FAM169A: variants seen among roughly 807,000 people sequenced by gnomAD.
FAM169A encodes the protein family with sequence similarity 169 member A.
A neutral mutation model predicts 75.7 loss-of-function variants in FAM169A; 24 were observed. The observed-to-expected ratio is 0.32, with a 90% CI of 0.23 to 0.45. FAM169A has a LOEUF of 0.45. FAM169A is among the 20% of genes least tolerant of loss of function. The probability of loss-of-function intolerance (pLI) is 1.00; values close to 1 mark genes in which losing one functional copy is unlikely to be tolerated. For missense variants in FAM169A, 673 were observed against 784.0 expected (o/e 0.86, Z 1.69); for synonymous variants, 271 against 271.0 (o/e 1.00, Z 0.00).
chr5:74,815,386 T>C (rs1425283582), intron 5 of FAM169A, among the ~76,000 whole-genome samples: 1 of 152,034 alleles, frequency 6.6e-6, no homozygotes, highest in Non-Finnish European at 1.5e-5. Flanking sequence ...GACAGGGGTT[T>C]CACCATGTTG....
chr5:74,848,505 A>C (rs1230923890), intron 1 of FAM169A: 32 of 152,180 alleles, frequency 2.1e-4, no homozygotes, highest in Admixed American at 2.1e-3. Flanking sequence ...AAATATAACG[A>C]TTATATTATT....
At chr5:74,849,344 C>T (rs1749321637) in intron 1 of FAM169A, among the ~76,000 whole-genome samples, 1 of 151,874 alleles carries the variant, frequency 6.6e-6, no homozygotes, top group African/African-American at 2.4e-5. Context: ...TTACTGGATG[C>T]CAACTATATT....
chr5:74,833,031 G>A (rs564388736), intron 5 of FAM169A, among the ~76,000 whole-genome samples: 1 of 152,120 alleles, frequency 6.6e-6, no homozygotes, highest in African/African-American at 2.4e-5. Flanking sequence ...ATAATAAGAA[G>A]AGCACACTCC....
At chr5:74,856,425 T>C (rs1413506364) in intron 1 of FAM169A, among the ~76,000 whole-genome samples, 1 of 152,238 alleles carries the variant, frequency 6.6e-6, no homozygotes, top group African/African-American at 2.4e-5. Context: ...ACATGAAATA[T>C]CTTTCCATTT....
At chr5:74,843,562 C>T (rs889781795) in intron 1 of FAM169A, among the ~76,000 whole-genome samples, 2 of 151,990 alleles carry the variant, frequency 1.3e-5, no homozygotes, top group Admixed American at 6.5e-5. Context: ...TCTCATTTGG[C>T]GGGGAAAAGA....
chr5:74,788,360 T>A (rs755614337), intron 11 of FAM169A, among the ~76,000 whole-genome samples: 1 of 152,100 alleles, frequency 6.6e-6, no homozygotes, highest in Non-Finnish European at 1.5e-5. Flanking sequence ...GTGAGGGCTA[T>A]TATGGTGGGA....
intron 6 of FAM169A, among the ~76,000 whole-genome samples, chr5:74,808,514 A>G (rs1747005842): frequency 2.6e-5 from 4 of 152,182 alleles, no homozygotes; most frequent in Admixed American, 2.6e-4. Flanking sequence ...TAATGGGGAG[A>G]AAGTTGATGT....
intron 5 of FAM169A, among the ~76,000 whole-genome samples, chr5:74,822,889 T>G (rs1326228152): frequency 6.6e-6 from 1 of 152,086 alleles, no homozygotes; most frequent in Admixed American, 6.5e-5. Flanking sequence ...GCCATTCAGA[T>G]TCATCACTAG....
chr5:74,845,909 G>A (rs1260701625), intron 1 of FAM169A, among the ~76,000 whole-genome samples: 1 of 152,162 alleles, frequency 6.6e-6, no homozygotes, highest in Non-Finnish European at 1.5e-5. Flanking sequence ...AATTCTATAT[G>A]TAAAAGCAAA....
chr5:74,838,350 C>G (rs1430498487), intron 4 of FAM169A, among the ~76,000 whole-genome samples: 1 of 152,022 alleles, frequency 6.6e-6, no homozygotes, highest in Non-Finnish European at 1.5e-5. Context: ...TTATTATGCC[C>G]TGCCTCCTCA....
At chr5:74,785,524 G>T (rs557318600) in intron 11 of FAM169A, among the ~76,000 whole-genome samples, 26 of 152,280 alleles carry the variant, frequency 1.7e-4, no homozygotes, top group Admixed American at 3.3e-4. Flanking sequence ...CACACTGGGA[G>T]GCAGAGGGGA....
rs957841344 is a variant in FAM169A at position 74,778,101 on chromosome 5, A to G, written c.*3359T>C. The G allele has an allele frequency of 5.2e-4, 79 of 152,080 alleles. No individual in the cohort carries two copies. The highest frequency in any genetic ancestry group is 1.9e-3 in the African/African-American group (77 of 41,456). The allele number at this position is 152,080 out of a possible 1,614,324, so 9.4% of individuals were successfully genotyped here. On this transcript the variant is annotated 3_prime_UTR_variant, in exon 13 of 13. Transcript: ENST00000687041. ...CTCCAGGTAATTTCTGGATACTACA[A>G]AAATGAAGTTTGCTTGTTTTTTTTA...
At chr5:74,822,207 G>T (rs1025360851) in intron 5 of FAM169A, among the ~76,000 whole-genome samples, 1 of 152,206 alleles carries the variant, frequency 6.6e-6, no homozygotes, top group Non-Finnish European at 1.5e-5. Flanking sequence ...CTTTTATCCT[G>T]TGGCTTCCTC....
At chr5:74,855,004 G>T (rs2112725916) in intron 1 of FAM169A, among the ~76,000 whole-genome samples, 1 of 152,156 alleles carries the variant, frequency 6.6e-6, no homozygotes, top group South Asian at 2.1e-4. Context: ...TTATATGGTA[G>T]CTCTATTTCT....
chr5:74,827,791 T>C (rs1005725595), intron 5 of FAM169A, among the ~76,000 whole-genome samples: 1 of 151,512 alleles, frequency 6.6e-6, no homozygotes, highest in Admixed American at 6.6e-5. Context: ...GCCTCCTGAG[T>C]AGCTGGAATT....
upstream of FAM169A, chr5:74,866,631 G>A: frequency 1.3e-6 from 1 of 745,232 alleles, no homozygotes; most frequent in Non-Finnish European, 1.6e-6. Flanking sequence ...CCGGCAGCGC[G>A]ACGCCCAGCT....
intron 11 of FAM169A, among the ~76,000 whole-genome samples, chr5:74,791,747 T>C (rs1745986027): frequency 6.6e-6 from 1 of 152,180 alleles, no homozygotes; most frequent in Non-Finnish European, 1.5e-5. Flanking sequence ...GCCCAGACCC[T>C]TCAGGAATGA....
intron 10 of FAM169A, chr5:74,798,953 C>T (rs1746419278): frequency 3.2e-6 from 3 of 943,660 alleles, no homozygotes; most frequent in African/African-American, 1.6e-5. Context: ...GTCCGGACTG[C>T]CCCGACCCCA....
chr5:74,859,509 C>G (rs1432310675), intron 1 of FAM169A, among the ~76,000 whole-genome samples: 1 of 151,960 alleles, frequency 6.6e-6, no homozygotes, highest in African/African-American at 2.4e-5. Flanking sequence ...AGGCTGGTCT[C>G]AAACTCCTGA....
Sources: allele counts gnomAD v4.1 joint callset (sites outside exome capture counted in the v4.1 genomes callset), GRCh38; gene constraint gnomAD v4.1.1; transcripts MANE v1.5; gene names NCBI Gene and HGNC (gene_info 2026-07-23, HGNC 2026-07-21).